Variants in CACNA1C observed in about 807,000 individuals in gnomAD.
The protein encoded by CACNA1C is voltage-dependent L-type calcium channel subunit alpha-1C.
In CACNA1C, 30 loss-of-function variants were observed where a neutral mutation model predicts 229.0. That is an observed-to-expected ratio of 0.13 (90% CI 0.10 to 0.18). The LOEUF (loss-of-function observed/expected upper bound fraction) is 0.18, where lower values mean the gene tolerates loss of function less well. CACNA1C is among the 10% of genes least tolerant of loss of function. The probability of loss-of-function intolerance (pLI) is 1.00; values close to 1 mark genes in which losing one functional copy is unlikely to be tolerated. For synonymous variants in CACNA1C, 1,114 were observed against 1,132.5 expected, an observed-to-expected ratio of 0.98 and a Z score of 0.33; for missense variants, 1,658 against 2,845.0, an observed-to-expected ratio of 0.58 and a Z score of 9.49.
In CACNA1C at chr12:2,639,635, T is replaced by A. The variant is rs535677671; in HGVS notation, c.3912+5255T>A. ...AGGATGGTCTCTTGCAACTCTAGCCTGCAGTGATTCTGACTTGGGCATTTT... is the reference window on the plus strand; with the variant it reads ...AGGATGGTCTCTTGCAACTCTAGCCAGCAGTGATTCTGACTTGGGCATTTT... On this transcript the variant is annotated intron_variant, in intron 30 of 46. Coordinates refer to ENST00000399655, the MANE Select transcript of CACNA1C (RefSeq NM_000719.7). This position sits in a 1 kb window ranked among gnomAD's most constrained non-coding sequence, Gnocchi z 4.2. Among the ~76,000 whole-genome samples the A allele has an allele frequency of 1.3e-5, 2 of 152,308 alleles. No homozygotes were observed. The highest frequency in any genetic ancestry group is 4.1e-4 in the South Asian group (2 of 4,826).
chr12:2,001,511 ACTGT>A (rs546197070), intron 1 of CACNA1C, among the ~76,000 whole-genome samples: 76 of 152,344 alleles, frequency 5.0e-4, no homozygotes, highest in Non-Finnish European at 8.2e-4. Flanking sequence ...GACTCTGCAC[ACTGT>A]CTGACACAAA....
intron 3 of CACNA1C, among the ~76,000 whole-genome samples, chr12:2,202,753 G>A (rs2097628187): frequency 6.6e-6 from 1 of 152,180 alleles, no homozygotes; most frequent in South Asian, 2.1e-4. Flanking sequence ...ATTTAAAAAT[G>A]TTTCATGAGC....
chr12:2,241,858 C>T (rs747907923), intron 3 of CACNA1C, among the ~76,000 whole-genome samples: 3 of 152,320 alleles, frequency 2.0e-5, no homozygotes, highest in South Asian at 2.1e-4. Flanking sequence ...GCAGTGGGTC[C>T]GCAGTAAATT....
chr12:2,514,624 T>G (rs1040120570), intron 9 of CACNA1C, among the ~76,000 whole-genome samples: 1 of 152,190 alleles, frequency 6.6e-6, no homozygotes, highest in Non-Finnish European at 1.5e-5. Context: ...CAGGAATTTG[T>G]ATGCTGGCTC....
Position 2,691,113 on chromosome 12 carries a change from G to C in CACNA1C, c.6331G>C (p.Glu2111Gln). The C allele has an allele frequency of 3.7e-6, 6 of 1,611,888 alleles. No individual in the cohort carries two copies. Among genetic ancestry groups the C allele is most frequent in the Non-Finnish European group, 5.1e-6 (6 of 1,178,798 alleles). Residue 2111 changes from glutamate to glutamine, a missense_variant, in exon 47 of 47, where the codon GAA becomes CAA. Glu to Gln is a conservative substitution (Grantham distance 29). Coordinates refer to ENST00000399655, the MANE Select transcript of CACNA1C (RefSeq NM_000719.7). Reference protein sequence around the residue: ...RDAGQDRAGGEEDAGCVRARG... With the variant: ...RDAGQDRAGGQEDAGCVRARG... ...CGCGGGGCAGGACCGAGCCGGGGGC[G>C]AAGAGGACGCGGGCTGTGTGCGCGC...
intron 9 of CACNA1C, among the ~76,000 whole-genome samples, chr12:2,527,095 A>C (rs1445823935): frequency 6.6e-6 from 1 of 152,246 alleles, no homozygotes; most frequent in Non-Finnish European, 1.5e-5. Context: ...ATATTAAGAC[A>C]TTTTAAAAAT....
chr12:2,242,733 G>A (rs371555370), intron 3 of CACNA1C, among the ~76,000 whole-genome samples: 3 of 152,202 alleles, frequency 2.0e-5, no homozygotes, highest in South Asian at 4.1e-4. Context: ...CCCTGGTCCC[G>A]GGTCTGCTTC....
chr12:1,992,066 A>G (rs1414579666), intron 1 of CACNA1C: 1 of 367,336 alleles, frequency 2.7e-6, no homozygotes, highest in East Asian at 7.6e-5. Context: ...AGAGAAGGAA[A>G]GGGTCCTGGA....
chr12:2,394,513 C>T (rs2098539169), intron 3 of CACNA1C, among the ~76,000 whole-genome samples: 1 of 152,156 alleles, frequency 6.6e-6, no homozygotes, highest in South Asian at 2.1e-4. Context: ...AGAATGGCCA[C>T]CTTCTCTCCT....
chr12:2,017,694 TA>T (rs2045633651), intron 1 of CACNA1C, among the ~76,000 whole-genome samples: 1 of 151,784 alleles, frequency 6.6e-6, no homozygotes, highest in Non-Finnish European at 1.5e-5. Context: ...CCTCTACTGA[TA>T]AAAATATTTT....
chr12:2,115,074 A>T, intron 1 of CACNA1C, 150 bp from the exon 2 acceptor site: 1 of 645,218 alleles, frequency 1.5e-6, no homozygotes. Flanking sequence ...TCAGCATCTC[A>T]CACTCATGTT....
intron 3 of CACNA1C, among the ~76,000 whole-genome samples, chr12:2,169,233 T>C (rs1234749177): frequency 1.3e-5 from 2 of 152,344 alleles, no homozygotes; most frequent in East Asian, 1.9e-4. Context: ...TTGAGTGAAC[T>C]GTAAACCAAG....
At chr12:2,301,254 G>A (rs1281647966) in intron 3 of CACNA1C, among the ~76,000 whole-genome samples, 1 of 152,196 alleles carries the variant, frequency 6.6e-6, no homozygotes, top group African/African-American at 2.4e-5. Flanking sequence ...CGCTTAGAGG[G>A]TATCGGTAGA....
chr12:2,670,730 G>A (rs1017858584), intron 38 of CACNA1C, among the ~76,000 whole-genome samples: 8 of 151,758 alleles, frequency 5.3e-5, no homozygotes, highest in Non-Finnish European at 1.2e-4. Flanking sequence ...GTGGTGGCAC[G>A]TGCCTGTAAT....
At chr12:2,317,986 G>A (rs1405718980) in intron 3 of CACNA1C, among the ~76,000 whole-genome samples, 1 of 152,194 alleles carries the variant, frequency 6.6e-6, no homozygotes, top group Non-Finnish European at 1.5e-5. Flanking sequence ...CCAGGCCTGA[G>A]GAAGTGCGCC....
intron 3 of CACNA1C, among the ~76,000 whole-genome samples, chr12:2,333,354 A>C (rs2096604335): frequency 6.6e-6 from 1 of 152,234 alleles, no homozygotes; most frequent in African/African-American, 2.4e-5. Context: ...CTCCTGGATC[A>C]TGCCCATGGT....
At chr12:2,551,958 GAC>G (rs2099905318) in intron 10 of CACNA1C, among the ~76,000 whole-genome samples, 5 of 152,292 alleles carry the variant, frequency 3.3e-5, no homozygotes, top group African/African-American at 1.2e-4. Context: ...AACAAGGGTG[GAC>G]ACACATGTTT....
intron 15 of CACNA1C, among the ~76,000 whole-genome samples, chr12:2,583,270 T>C (rs529381213): frequency 6.6e-6 from 1 of 152,316 alleles, no homozygotes; most frequent in South Asian, 2.1e-4. Flanking sequence ...GCGGGCCGGC[T>C]GCCCTGGGGC....
intron 3 of CACNA1C, among the ~76,000 whole-genome samples, chr12:2,177,267 G>T (rs922617234): frequency 3.9e-5 from 6 of 152,164 alleles, no homozygotes; most frequent in African/African-American, 1.4e-4. Context: ...TCAGGTAGCT[G>T]CTCCCGTTGT....
Sources: allele counts gnomAD v4.1 joint callset (sites outside exome capture counted in the v4.1 genomes callset), GRCh38; gene constraint gnomAD v4.1.1; non-coding constraint Gnocchi (gnomAD v3.1); transcripts MANE v1.5; gene names NCBI Gene and HGNC (gene_info 2026-07-23, HGNC 2026-07-21).